Variants in TBXAS1 observed in about 807,000 individuals in gnomAD.
TBXAS1 encodes the protein thromboxane-A synthase.
In TBXAS1, 48 loss-of-function variants were observed where a neutral mutation model predicts 60.7. The ratio of observed to expected loss-of-function variants is 0.79; its 90% confidence interval spans 0.63 to 1.01. The LOEUF (loss-of-function observed/expected upper bound fraction) is 1.01, where lower values mean the gene tolerates loss of function less well. TBXAS1 is among the 50% of genes least tolerant of loss of function. The pLI, the probability that TBXAS1 is intolerant of heterozygous loss-of-function variation, is 0.00. For synonymous variants in TBXAS1, 287 were observed against 269.7 expected, an observed-to-expected ratio of 1.06 and a Z score of -0.63; for missense variants, 685 against 686.3, an observed-to-expected ratio of 1.00 and a Z score of 0.02.
At chr7:139,965,689 G>A (rs1464119559) in intron 9 of TBXAS1, among the ~76,000 whole-genome samples, 1 of 152,230 alleles carries the variant, frequency 6.6e-6, no homozygotes, top group Non-Finnish European at 1.5e-5. Flanking sequence ...GCCACAAGGT[G>A]ATTTTCTTCC....
chr7:139,930,330 G>A (rs529096637), intron 4 of TBXAS1, among the ~76,000 whole-genome samples: 1 of 152,316 alleles, frequency 6.6e-6, no homozygotes, highest in African/African-American at 2.4e-5. Flanking sequence ...GTTCACAGAG[G>A]TATCCTCAGC....
chr7:139,875,390 CT>C (rs1239695794), intron 2 of TBXAS1, among the ~76,000 whole-genome samples, 194 bp from the exon 3 acceptor site: 1 of 152,182 alleles, frequency 6.6e-6, no homozygotes, highest in East Asian at 1.9e-4. Flanking sequence ...CTGTCCAAGA[CT>C]TTTACATGGC....
chr7:139,880,318 C>T (rs1289167867), intron 3 of TBXAS1, among the ~76,000 whole-genome samples: 1 of 152,220 alleles, frequency 6.6e-6, no homozygotes, highest in Non-Finnish European at 1.5e-5. Context: ...CACTTCCTGG[C>T]ATCCATCAGC....
At chr7:139,792,964 C>T (rs1797434398) in intron 4 of TBXAS1, among the ~76,000 whole-genome samples, 1 of 152,214 alleles carries the variant, frequency 6.6e-6, no homozygotes. Context: ...TGTTTGTCTG[C>T]AGCCTGCCTG....
intron 3 of TBXAS1, among the ~76,000 whole-genome samples, chr7:139,782,990 G>T (rs1009662969): frequency 6.6e-6 from 1 of 151,918 alleles, no homozygotes; most frequent in Admixed American, 6.6e-5. Flanking sequence ...ACCTTTGATC[G>T]GTTTCAATGA....
At chr7:140,001,641 C>G (rs1813682981) in intron 9 of TBXAS1, among the ~76,000 whole-genome samples, 1 of 152,220 alleles carries the variant, frequency 6.6e-6, no homozygotes. Flanking sequence ...CACCCCCTGC[C>G]TTGGCCTCCC....
intron 5 of TBXAS1, among the ~76,000 whole-genome samples, chr7:139,945,439 G>T (rs1240609133): frequency 6.6e-6 from 1 of 152,214 alleles, no homozygotes; most frequent in Non-Finnish European, 1.5e-5. Flanking sequence ...AAACCACACT[G>T]TATTCATGCT....
At chr7:139,792,955 G>A (rs188464424) in intron 4 of TBXAS1, among the ~76,000 whole-genome samples, 7 of 152,324 alleles carry the variant, frequency 4.6e-5, no homozygotes, top group Admixed American at 4.6e-4. Context: ...TCATGTGGCT[G>A]TTTGTCTGCA....
At chr7:139,911,192 A>G (rs189297246) in intron 3 of TBXAS1, 33 bp from the exon 4 acceptor site, 1 of 1,588,546 alleles carries the variant, frequency 6.3e-7, no homozygotes, top group African/African-American at 1.3e-5. Context: ...TGGGTAATGC[A>G]ACACATTTTA....
intron 4 of TBXAS1, among the ~76,000 whole-genome samples, chr7:139,935,615 G>T (rs1569515694): frequency 1.3e-5 from 2 of 152,144 alleles, no homozygotes; most frequent in Non-Finnish European, 2.9e-5. Flanking sequence ...AAAAATGAAT[G>T]ACCAATAGAA....
rs11340240 is a variant in TBXAS1 at position 139,784,011 on chromosome 7, G to GTT, written c.-169+1295_-169+1296dup. Among the ~76,000 whole-genome samples, 1,008 of 131,914 alleles carry GTT rather than the reference G, an allele frequency of 7.6e-3. 6 individuals carry two copies. Among genetic ancestry groups the GTT allele is most frequent in the East Asian group, 0.021 (94 of 4,458 alleles). 86.5% of individuals were successfully genotyped at this position (131,914 alleles called of 152,430 possible). A position where few individuals can be genotyped will look rare whatever the true frequency, so the allele number is the denominator to read the frequency against. On this transcript the variant is annotated intron_variant, in intron 3 of 16. Transcript: ENST00000336425. ...CATGCATGCTTGTTTAGTTTTTTTT[G>GTT]TTTTTTTTTTTTTTGTATTTTTTCC...
intron 1 of TBXAS1, among the ~76,000 whole-genome samples, chr7:139,843,320 CTTTATTTATTTATTTA>C (rs3070196): frequency 3.1e-4 from 46 of 147,892 alleles, no homozygotes; most frequent in East Asian, 6.0e-4. Flanking sequence ...TACTACTTTA[CTTTATTTATTTATTTA>C]TTTATTTATT....
intron 2 of TBXAS1, chr7:139,782,563 A>C (rs986685473): frequency 3.3e-5 from 5 of 151,858 alleles, no homozygotes; most frequent in African/African-American, 7.3e-5. Context: ...GTATGCATTT[A>C]GGTGTGTATG....
At chr7:139,966,676 A>C (rs1265669581) in intron 9 of TBXAS1, among the ~76,000 whole-genome samples, 1 of 152,094 alleles carries the variant, frequency 6.6e-6, no homozygotes, top group Non-Finnish European at 1.5e-5. Flanking sequence ...CCTGTCCGTG[A>C]TGATACTTTG....
At chr7:139,895,923 T>G (rs1361064284) in intron 3 of TBXAS1, among the ~76,000 whole-genome samples, 2 of 152,150 alleles carry the variant, frequency 1.3e-5, no homozygotes, top group Non-Finnish European at 2.9e-5. Flanking sequence ...GCCCCAAGTT[T>G]TAGAAAATGA....
chr7:140,015,394 C>G (rs1814944777), intron 10 of TBXAS1, among the ~76,000 whole-genome samples: 1 of 152,174 alleles, frequency 6.6e-6, no homozygotes, highest in Non-Finnish European at 1.5e-5. Flanking sequence ...CCTTCCAAAG[C>G]AGTTTGCACC....
chr7:139,814,643 T>C (rs1024074848), intron 4 of TBXAS1, among the ~76,000 whole-genome samples: 1 of 152,146 alleles, frequency 6.6e-6, no homozygotes, highest in African/African-American at 2.4e-5. Flanking sequence ...ACACAGATTC[T>C]AGAGCTGAGC....
intron 4 of TBXAS1, among the ~76,000 whole-genome samples, chr7:139,918,677 C>T (rs951093300): frequency 2.8e-4 from 43 of 152,192 alleles, no homozygotes; most frequent in African/African-American, 9.2e-4. Context: ...GCTGGAACTC[C>T]GTCAGGCAGG....
intron 12 of TBXAS1, 23 bp from the exon 13 acceptor site, chr7:140,020,002 T>C: frequency 1.9e-6 from 3 of 1,611,106 alleles, no homozygotes; most frequent in South Asian, 1.1e-5. Context: ...CTTTGACAAA[T>C]ATTTTAATTT....
Sources: allele counts gnomAD v4.1 joint callset (sites outside exome capture counted in the v4.1 genomes callset), GRCh38; gene constraint gnomAD v4.1.1; transcripts MANE v1.5; gene names NCBI Gene and HGNC (gene_info 2026-07-23, HGNC 2026-07-21).